PCNX4: variants seen among roughly 807,000 people sequenced by gnomAD.
The protein encoded by PCNX4 is pecanex-like protein 4.
A neutral mutation model predicts 107.2 loss-of-function variants in PCNX4; 103 were observed. The observed-to-expected ratio is 0.96, with a 90% CI of 0.82 to 1.13. The LOEUF (loss-of-function observed/expected upper bound fraction) is 1.13. Ranked by LOEUF, PCNX4 falls within the 50% of genes most tolerant of loss-of-function variation. The pLI is 0.00. For missense variants in PCNX4, 1,528 were observed against 1,379.4 expected, an observed-to-expected ratio of 1.11 and a Z score of -1.71; for synonymous variants, 541 against 481.7, an observed-to-expected ratio of 1.12 and a Z score of -1.61.
Position 60,147,141 on chromosome 14 carries a change from G to A in PCNX4, c.*12920G>A, listed in dbSNP as rs1020863068. On this transcript the variant is annotated 3_prime_UTR_variant, in exon 11 of 11. Transcript: ENST00000406854. ...TCAGCTACTCAGGAGGCTGGGGTGG[G>A]AGGATTGCTTGAGCCTGGGAGGTAG... 6.6e-6 allele frequency: 1 copy of A among 152,206 alleles called. No homozygotes were observed. Among genetic ancestry groups the A allele is most frequent in the Admixed American group, 6.5e-5 (1 of 15,276 alleles). 9.4% of individuals were successfully genotyped at this position (152,206 alleles called of 1,614,324 possible).
chr14:60,117,290 A>G (rs1470095288), intron 6 of PCNX4, among the ~76,000 whole-genome samples: 1 of 152,164 alleles, frequency 6.6e-6, no homozygotes, highest in Non-Finnish European at 1.5e-5. Context: ...ACCATTTTTT[A>G]TCTTTTATAA....
At position 60,107,857 on chromosome 14, in the gene PCNX4, A is replaced by G. The variant is rs766997481; in HGVS notation, c.219A>G (p.Ala73=). 1.9e-6 allele frequency: 3 copies of G among 1,612,792 alleles called. No homozygotes were observed. The highest frequency in any genetic ancestry group is 1.7e-6 in the Non-Finnish European group (2 of 1,179,798). ...QLGILKDYYT[A]ALSGGLMLFT... The stretch of plus-strand genomic sequence containing the variant: ...GCATCCTGAAAGACTATTATACAGC[A>G]GCACTTTCAGGTGGATTAATGCTTT... The change falls in exon 2 of 11, where the codon GCA becomes GCG. Residue 73 remains alanine (A), a synonymous_variant. Coordinates refer to ENST00000406854, the MANE Select transcript of PCNX4 (RefSeq NM_001330177.2).
intron 8 of PCNX4, among the ~76,000 whole-genome samples, chr14:60,122,010 A>G (rs1290950108): frequency 1.3e-5 from 2 of 151,892 alleles, no homozygotes; most frequent in African/African-American, 4.8e-5. Context: ...CTTGCTGACA[A>G]CTCTGTCCTT....
rs1896010390 is a variant in PCNX4, at chr14:60,124,443, G to A, written c.2272G>A (p.Gly758Ser). Residue 758 changes from glycine to serine, a missense_variant, in exon 9 of 11, where the codon GGT becomes AGT. Transcript: ENST00000406854. ...DSHENLKEFK[G>S]DLIKVLVWIL... is the part of the protein sequence containing the mutation. ...TCATGAAAACTTAAAAGAATTTAAA[G>A]GTGACCTCATTAAAGTACTTGTGTG... The A allele has an allele frequency of 6.2e-7, 1 of 1,613,616 alleles. No individual in the cohort carries two copies. Among genetic ancestry groups the A allele is most frequent in the Admixed American group, 1.7e-5 (1 of 59,978 alleles).
At position 60,115,793 on chromosome 14, in the gene PCNX4, A is replaced by G. The variant is rs368757328; in HGVS notation, c.1432A>G (p.Ile478Val). 10 of 1,612,584 alleles carry G rather than the reference A, an allele frequency of 6.2e-6. No homozygotes were observed. The highest frequency in any genetic ancestry group is 8.5e-6 in the Non-Finnish European group (10 of 1,178,942). Residue 478 changes from isoleucine (I) to valine (V), a missense_variant, in exon 5 of 11, where the codon ATT (isoleucine) becomes GTT (valine). Transcript: ENST00000406854. The stretch of plus-strand genomic sequence containing the variant: ...AGGGCTCCACTCAGTGTCTGTCTGT[A>G]TTGGATTCACAAGAGCCTTTAGAAT... Reference protein sequence around the residue: ...LQGLHSVSVCIGFTRAFRMVW... With the variant: ...LQGLHSVSVCVGFTRAFRMVW...
intron 7 of PCNX4, 106 bp downstream of exon 7, chr14:60,118,798 C>A: frequency 8.1e-7 from 1 of 1,235,698 alleles, no homozygotes; most frequent in Non-Finnish European, 1.1e-6. Flanking sequence ...GATAGCATAA[C>A]AACCATAACA....
intron 1 of PCNX4, among the ~76,000 whole-genome samples, chr14:60,095,670 A>G (rs1895409943): frequency 6.6e-6 from 1 of 152,104 alleles, no homozygotes; most frequent in African/African-American, 2.4e-5. Flanking sequence ...TCCTGGCCTC[A>G]GGTTGGTTTT....
At chr14:60,127,593 C>T (rs956783371) in intron 10 of PCNX4, among the ~76,000 whole-genome samples, 1 of 152,118 alleles carries the variant, frequency 6.6e-6, no homozygotes, top group East Asian at 1.9e-4. Flanking sequence ...CTACAATAAG[C>T]CAGCCAATCA....
chr14:60,110,767 G>A (rs1361228380), intron 2 of PCNX4: 5 of 167,152 alleles, frequency 3.0e-5, no homozygotes, highest in African/African-American at 1.2e-4. Flanking sequence ...TGAAGACTTT[G>A]GGGGATATGG....
chr14:60,123,070 G>A (rs957262282), intron 8 of PCNX4, among the ~76,000 whole-genome samples: 2 of 152,108 alleles, frequency 1.3e-5, no homozygotes, highest in African/African-American at 4.8e-5. Context: ...CCTACAGATT[G>A]AGAACCTCTG....
At position 60,115,301 on chromosome 14, in the gene PCNX4, T is replaced by A; in HGVS notation, c.1197T>A (p.Leu399=). 1 of 1,608,610 alleles carries A rather than the reference T, an allele frequency of 6.2e-7. No individual in the cohort carries two copies. Among genetic ancestry groups the A allele is most frequent in the South Asian group, 1.1e-5 (1 of 90,528 alleles). Residue 399 remains leucine, a synonymous_variant, in exon 4 of 11, where the codon CTT becomes CTA. Coordinates refer to ENST00000406854, the MANE Select transcript of PCNX4 (RefSeq NM_001330177.2). ...TGGGCTATGGTTTGATGATATTACT[T>A]ATAATACTGTGGATACTTAGAGAAA... ...AIVGYGLMIL[L]IILWILREIQ... is the part of the protein sequence containing the mutation.
In PCNX4 at chr14:60,134,169, C is replaced by T. The variant is rs2140571469; in HGVS notation, c.3467C>T (p.Pro1156Leu). 3.1e-6 allele frequency: 5 copies of T among 1,613,704 alleles called. No individual in the cohort carries two copies. Among genetic ancestry groups the T allele is most frequent in the Non-Finnish European group, 4.2e-6 (5 of 1,179,658 alleles). The change falls in exon 11 of 11, where the codon CCC becomes CTC. Residue 1156 changes from proline to leucine, a missense_variant. By Grantham distance (98) the Pro-to-Leu change is moderately conservative. Coordinates refer to ENST00000406854, the MANE Select transcript of PCNX4 (RefSeq NM_001330177.2). ...RNLTVQAAEP[P>L]LGYPIYSSKP... ...CTTACGGTACAAGCAGCAGAACCTCCCCTGGGATATCCGATTTATTCTTCA... is the reference window on the plus strand; with the variant it reads ...CTTACGGTACAAGCAGCAGAACCTCTCCTGGGATATCCGATTTATTCTTCA...
intron 4 of PCNX4, 41 bp from the exon 5 acceptor site, chr14:60,115,678 T>C (rs1231459798): frequency 6.5e-7 from 1 of 1,532,484 alleles, no homozygotes; most frequent in Non-Finnish European, 9.0e-7. Flanking sequence ...GAAGGAGCTA[T>C]TTTGCCTTAA....
chr14:60,136,746 G>T lies in PCNX4; in HGVS notation c.*2525G>T, dbSNP rs371423. On this transcript the variant is annotated 3_prime_UTR_variant, in exon 11 of 11. Coordinates refer to ENST00000406854, the MANE Select transcript of PCNX4 (RefSeq NM_001330177.2). Reference sequence around the variant, plus strand: ...CAGGATATTGATAAGATGCTCCCATGATGAGGTGGTTCTGGCCCTTGTTGT... The same window carrying T: ...CAGGATATTGATAAGATGCTCCCATTATGAGGTGGTTCTGGCCCTTGTTGT... 38,207 of 152,498 alleles carry T rather than the reference G, an allele frequency of 0.25. 6,889 individuals are homozygous for T. Among genetic ancestry groups the T allele is most frequent in the African/African-American group, 0.5 (20,880 of 41,438 alleles). The allele number at this position is 152,498 out of a possible 1,614,324, so 9.4% of individuals were successfully genotyped here. A position where few individuals can be genotyped will look rare whatever the true frequency, so the allele number is the denominator to read the frequency against.
At chr14:60,131,499 G>C (rs1285094696) in intron 10 of PCNX4, among the ~76,000 whole-genome samples, 2 of 152,048 alleles carry the variant, frequency 1.3e-5, no homozygotes, top group Non-Finnish European at 2.9e-5. Context: ...AGGAAAAATT[G>C]AACAGTAGTA....
Position 60,137,626 on chromosome 14 carries a change from C to T in PCNX4, c.*3405C>T, listed in dbSNP as rs901054900. The T allele has an allele frequency of 6.6e-6, 1 of 152,104 alleles. No homozygotes were observed. Among genetic ancestry groups the T allele is most frequent in the Admixed American group, 6.5e-5 (1 of 15,268 alleles). 9.4% of individuals were successfully genotyped at this position (152,104 alleles called of 1,614,324 possible). ...GAAGCGACAGATGATGGGACAGAGCCACAGGGGACCCAGATAATGAGCTAT... is the reference window on the plus strand; with the variant it reads ...GAAGCGACAGATGATGGGACAGAGCTACAGGGGACCCAGATAATGAGCTAT... On this transcript the variant is annotated 3_prime_UTR_variant, in exon 11 of 11. Coordinates refer to ENST00000406854, the MANE Select transcript of PCNX4 (RefSeq NM_001330177.2).
chr14:60,113,071 A>G (rs558039301), intron 2 of PCNX4, among the ~76,000 whole-genome samples: 14 of 152,264 alleles, frequency 9.2e-5, no homozygotes, highest in Admixed American at 5.9e-4. Flanking sequence ...AGTCCCAGCT[A>G]CTGGGGGGCT....
intron 1 of PCNX4, among the ~76,000 whole-genome samples, chr14:60,095,691 T>G (rs1895410521): frequency 1.3e-5 from 2 of 152,108 alleles, no homozygotes; most frequent in Non-Finnish European, 2.9e-5. Flanking sequence ...TCCTCCCTTT[T>G]TTGAGCTGCT....
chr14:60,128,739 A>G (rs1182915147), intron 10 of PCNX4, among the ~76,000 whole-genome samples: 1 of 152,260 alleles, frequency 6.6e-6, no homozygotes, highest in Admixed American at 6.5e-5. Flanking sequence ...AAGCAATTCT[A>G]TAAAACAATA....
Sources: allele counts gnomAD v4.1 joint callset (sites outside exome capture counted in the v4.1 genomes callset), GRCh38; gene constraint gnomAD v4.1.1; transcripts MANE v1.5; gene names NCBI Gene and HGNC (gene_info 2026-07-23, HGNC 2026-07-21).